Variants in DDX17 observed in about 807,000 individuals in gnomAD.
The protein encoded by DDX17 is DEAD-box helicase 17.
In DDX17, 10 loss-of-function variants were observed where a neutral mutation model predicts 80.8. The ratio of observed to expected loss-of-function variants is 0.12; its 90% CI spans 0.08 to 0.21. The LOEUF is 0.21. DDX17 is among the 10% of genes least tolerant of loss of function. DDX17 has a pLI of 1.00. For synonymous variants in DDX17, 339 were observed against 336.2 expected, an observed-to-expected ratio of 1.01 and a Z score of -0.09; for missense variants, 586 against 957.4, an observed-to-expected ratio of 0.61 and a Z score of 5.12.
At chr22:38,497,437 G>A (rs1415232880) in intron 5 of DDX17, among the ~76,000 whole-genome samples, 2 of 151,290 alleles carry the variant, frequency 1.3e-5, no homozygotes, top group East Asian at 1.9e-4. Context: ...GGCCAACATG[G>A]TGCAAACCTG....
At chr22:38,497,007 AAAGTT>A (rs1555925890) in intron 5 of DDX17, among the ~76,000 whole-genome samples, 1 of 152,144 alleles carries the variant, frequency 6.6e-6, no homozygotes, top group Non-Finnish European at 1.5e-5. Context: ...ATTTCTTAAA[AAAGTT>A]AAGTAGGCCG....
At chr22:38,493,888 T>C (rs1382616654) in intron 9 of DDX17, 117 bp from the exon 10 acceptor site, 5 of 1,231,098 alleles carry the variant, frequency 4.1e-6, no homozygotes, top group Non-Finnish European at 5.9e-6. Flanking sequence ...CATGAATAGA[T>C]GACTGTGCTC....
intron 5 of DDX17, 126 bp downstream of exon 5, chr22:38,497,959 A>T: frequency 1.2e-6 from 1 of 828,984 alleles, no homozygotes; most frequent in Non-Finnish European, 1.9e-6. Context: ...TAAGATGAGA[A>T]TGAAACCATT....
At chr22:38,501,602 T>A (rs1051331293) in intron 1 of DDX17, among the ~76,000 whole-genome samples, 1 of 152,244 alleles carries the variant, frequency 6.6e-6, no homozygotes, top group Non-Finnish European at 1.5e-5. Flanking sequence ...ACTTACTGTA[T>A]AATTTGAAGA....
intron 1 of DDX17, among the ~76,000 whole-genome samples, chr22:38,502,731 C>T (rs1255018173): frequency 1.3e-5 from 2 of 152,150 alleles, no homozygotes; most frequent in East Asian, 3.8e-4. Context: ...TTCCCTATTT[C>T]GATCTTGTAA....
At chr22:38,494,833 C>T (rs759681385) in intron 7 of DDX17, 31 bp from the exon 8 acceptor site, 2 of 1,613,884 alleles carry the variant, frequency 1.2e-6, no homozygotes, top group South Asian at 1.1e-5. Context: ...TTCTTTCAGG[C>T]TAAGGAACTT....
At chr22:38,494,477 G>T in intron 8 of DDX17, 153 bp downstream of exon 8, 2 of 728,054 alleles carry the variant, frequency 2.7e-6, no homozygotes, top group Non-Finnish European at 4.4e-6. Context: ...ATAATGCTCT[G>T]ACAAATGATA....
intron 2 of DDX17, 108 bp downstream of exon 2, chr22:38,501,022 C>A: frequency 6.7e-6 from 9 of 1,352,314 alleles, no homozygotes; most frequent in Admixed American, 3.0e-5. Flanking sequence ...AAAATATCAC[C>A]ACACTAGAAT....
In DDX17 at chr22:38,489,665, G is replaced by T; in HGVS notation, c.1448-1550C>A. 1 of 985,170 alleles carries T rather than the reference G, an allele frequency of 1.0e-6. No individual in the cohort carries two copies. Among genetic ancestry groups the T allele is most frequent in the Non-Finnish European group, 1.2e-6 (1 of 829,902 alleles). The allele number at this position is 985,170 out of a possible 1,614,324, so 61.0% of individuals were successfully genotyped here. A position where few individuals can be genotyped will look rare whatever the true frequency, so the allele number is the denominator to read the frequency against. On this transcript the variant is annotated intron_variant, in intron 11 of 12. Coordinates refer to ENST00000403230, the MANE Select transcript of DDX17 (RefSeq NM_006386.5). This position sits in a 1 kb window ranked among gnomAD's most constrained non-coding sequence, Gnocchi z 4.6. Reference sequence around the variant, plus strand: ...TGTTGTTACAGGGCTTGTGAAGAAGGGGCATTATGTCTGTTTCTTATTACA... The same window carrying T: ...TGTTGTTACAGGGCTTGTGAAGAAGTGGCATTATGTCTGTTTCTTATTACA...
chr22:38,499,455 C>A lies in DDX17; in HGVS notation c.483G>T (p.Arg161Ser), dbSNP rs146518587. The A allele has an allele frequency of 2.5e-6, 4 of 1,614,144 alleles. No individual in the cohort carries two copies. The highest frequency in any genetic ancestry group is 3.4e-6 in the Non-Finnish European group (4 of 1,180,008). Residue 161 changes from arginine to serine, a missense_variant, in exon 3 of 13, where the codon AGG (arginine) becomes AGT (serine). Around this residue, in one of 4 missense-constraint regions of DDX17, gnomAD observed 215 missense variants for 238.4 expected, o/e 0.90. Transcript: ENST00000403230. ...CGGGTTTAGGACAAACATCTCCCCC[C>A]CTCACTGTAATCTCCTTCTTTCGGC...
At chr22:38,503,421 T>C (rs1199204765) in intron 1 of DDX17, among the ~76,000 whole-genome samples, 5 of 152,136 alleles carry the variant, frequency 3.3e-5, no homozygotes, top group African/African-American at 9.6e-5. Flanking sequence ...TTATCATTCA[T>C]GTATTTTTTT....
intron 10 of DDX17, among the ~76,000 whole-genome samples, chr22:38,492,973 G>GA (rs1240789196): frequency 1.3e-5 from 2 of 152,026 alleles, no homozygotes; most frequent in East Asian, 1.9e-4. Context: ...TAATCAGAAG[G>GA]AAAAAATTGA....
chr22:38,505,338 C>T (rs1364877399), intron 1 of DDX17: 1 of 152,282 alleles, frequency 6.6e-6, no homozygotes, highest in African/African-American at 2.4e-5. Context: ...CAAACACGGT[C>T]ATTTAGATGG....
At chr22:38,493,588 G>A in intron 10 of DDX17, 122 bp downstream of exon 10, 1 of 760,982 alleles carries the variant, frequency 1.3e-6, no homozygotes, top group East Asian at 2.6e-5. Context: ...GGTTTACAAA[G>A]CCAAGCATAC....
At chr22:38,499,646 T>A in intron 2 of DDX17, 147 bp from the exon 3 acceptor site, 1 of 643,658 alleles carries the variant, frequency 1.6e-6, no homozygotes. Flanking sequence ...TGTATCACTT[T>A]AACTCTGCAA....
chr22:38,489,185 G>A lies in DDX17; in HGVS notation c.1448-1070C>T. The A allele has an allele frequency of 4.1e-6, 4 of 985,458 alleles. No homozygotes were observed. Among genetic ancestry groups the A allele is most frequent in the Non-Finnish European group, 3.6e-6 (3 of 829,764 alleles). 61.0% of individuals were successfully genotyped at this position (985,458 alleles called of 1,614,324 possible). On this transcript the variant is annotated intron_variant, in intron 11 of 12. Coordinates refer to ENST00000403230, the MANE Select transcript of DDX17 (RefSeq NM_006386.5). The surrounding 1 kb of genome is among the most constrained non-coding windows in gnomAD (Gnocchi z 4.6). ...TATCCTAGATAAAACACAGATTTTTGTGATATAAATAATTAAAAAACATTC... is the reference window on the plus strand; with the variant it reads ...TATCCTAGATAAAACACAGATTTTTATGATATAAATAATTAAAAAACATTC...
rs2089656540 is a variant in DDX17, at chr22:38,486,142, T to C, written c.1983A>G (p.Gly661=). The stretch of plus-strand genomic sequence containing the variant: ...TCCCAGTTGAGGTGGTGCTACTAGC[T>C]CCATAAGTGCCAGCACCATATTCTT... Residue 661 remains glycine (G), a synonymous_variant, in exon 13 of 13, where the codon GGA becomes GGG. Transcript: ENST00000403230. 6.2e-7 allele frequency: 1 copy of C among 1,614,172 alleles called. No individual in the cohort carries two copies. The highest frequency in any genetic ancestry group is 8.5e-7 in the Non-Finnish European group (1 of 1,180,038).
chr22:38,501,157 T>C lies in DDX17; in HGVS notation c.411A>G (p.Glu137=). ...GTGTCAGCCTTGCTACTTCCGGATGTTCCACATAAAAATTTTTCTCAAACT... is the reference window on the plus strand; with the variant it reads ...GTGTCAGCCTTGCTACTTCCGGATGCTCCACATAAAAATTTTTCTCAAACT... The change falls in exon 2 of 13, where the codon GAA becomes GAG. Residue 137 remains glutamate, a synonymous_variant. Coordinates refer to ENST00000403230, the MANE Select transcript of DDX17 (RefSeq NM_006386.5). The C allele has an allele frequency of 6.2e-7, 1 of 1,613,878 alleles. No homozygotes were observed. The highest frequency in any genetic ancestry group is 8.5e-7 in the Non-Finnish European group (1 of 1,179,978).
At chr22:38,505,842 G>T in intron 1 of DDX17, 109 bp downstream of exon 1, 1 of 1,361,434 alleles carries the variant, frequency 7.3e-7, no homozygotes. Context: ...GCCTCCCCTC[G>T]CCTCCCGGGT....
Sources: gnomAD v4.1 joint callset for allele counts (sites outside exome capture counted in the v4.1 genomes callset) on GRCh38, gnomAD v4.1.1 for gene constraint, gnomAD v4.1.1 regional missense constraint, Gnocchi (gnomAD v3.1) non-coding constraint, MANE v1.5 for transcripts, NCBI Gene and HGNC (gene_info 2026-07-23, HGNC 2026-07-21) for gene names.